ADAMTS12: variants seen among roughly 807,000 people sequenced by gnomAD.
ADAMTS12 encodes ADAM metallopeptidase with thrombospondin type 1 motif 12.
ADAMTS12 carries 118 observed loss-of-function variants against 167.8 expected under a neutral mutation model. That is an observed-to-expected ratio of 0.70 (90% CI 0.61 to 0.82). The LOEUF is 0.82. Ranked by LOEUF, ADAMTS12 falls within the 40% of genes least tolerant of loss-of-function variation. The pLI is 0.00. For synonymous variants in ADAMTS12, 704 were observed against 716.9 expected (o/e 0.98, Z 0.29); for missense variants, 1,916 against 1,998.8 (o/e 0.96, Z 0.79).
chr5:33,623,800 T>G (rs1408685651), intron 14 of ADAMTS12, among the ~76,000 whole-genome samples: 1 of 152,246 alleles, frequency 6.6e-6, no homozygotes, highest in Non-Finnish European at 1.5e-5. Context: ...TGCTGGCTTC[T>G]GTCCTCACTA....
At chr5:33,634,430 C>T (rs1216567374) in intron 12 of ADAMTS12, among the ~76,000 whole-genome samples, 1 of 152,004 alleles carries the variant, frequency 6.6e-6, no homozygotes, top group African/African-American at 2.4e-5. Context: ...TGGTGTGCAC[C>T]CCTGCCACTC....
Position 33,527,062 on chromosome 5 carries a change from T to C in ADAMTS12, c.*126A>G. Reference sequence around the variant, plus strand: ...CTAGAGGAACACAATGGATTTTGTTTCATCATGACCCAAAGCTGAATCTGA... The same window carrying C: ...CTAGAGGAACACAATGGATTTTGTTCCATCATGACCCAAAGCTGAATCTGA... On this transcript the variant is annotated 3_prime_UTR_variant, in exon 24 of 24. Coordinates refer to ENST00000504830, the MANE Select transcript of ADAMTS12 (RefSeq NM_030955.4). 7.8e-7 allele frequency: 1 copy of C among 1,285,784 alleles called. No individual in the cohort carries two copies. The highest frequency in any genetic ancestry group is 1.4e-5 in the South Asian group (1 of 69,434). 79.6% of individuals were successfully genotyped at this position (1,285,784 alleles called of 1,614,324 possible). A position where few individuals can be genotyped will look rare whatever the true frequency, so the allele number is the denominator to read the frequency against.
intron 2 of ADAMTS12, among the ~76,000 whole-genome samples, chr5:33,751,966 T>TG (rs2112391843): frequency 6.6e-6 from 1 of 152,340 alleles, no homozygotes; most frequent in African/African-American, 2.4e-5. Flanking sequence ...AACATTTACC[T>TG]GCATGGGGGT....
At chr5:33,561,817 C>T (rs773926010) in intron 19 of ADAMTS12, among the ~76,000 whole-genome samples, 2 of 152,088 alleles carry the variant, frequency 1.3e-5, no homozygotes. Context: ...GCATGATTGC[C>T]CAGGGGGCTG....
intron 1 of ADAMTS12, among the ~76,000 whole-genome samples, chr5:33,888,349 TG>T (rs1445930120): frequency 6.6e-6 from 1 of 152,202 alleles, no homozygotes; most frequent in African/African-American, 2.4e-5. Flanking sequence ...GTTGGAATGT[TG>T]TGAAGAACTG....
chr5:33,699,710 A>G (rs901052538), intron 3 of ADAMTS12, among the ~76,000 whole-genome samples: 1 of 152,194 alleles, frequency 6.6e-6, no homozygotes, highest in Admixed American at 6.5e-5. Flanking sequence ...AGTGAATTGT[A>G]TGCAAATTAT....
chr5:33,538,930 A>G lies in ADAMTS12; in HGVS notation c.4447-3938T>C, dbSNP rs1744545697. Among the ~76,000 whole-genome samples, 4 of 152,086 alleles carry G rather than the reference A, an allele frequency of 2.6e-5. 1 individual carries two copies. Among genetic ancestry groups the G allele is most frequent in the Non-Finnish European group, 5.9e-5 (4 of 68,006 alleles). ...ATCAGAATGATGGCAGAATCTGTCC[A>G]TGGGAGAATTTTCTTTATTTTCTTT... On this transcript the variant is annotated intron_variant, in intron 22 of 23. Transcript: ENST00000504830.
intron 13 of ADAMTS12, among the ~76,000 whole-genome samples, chr5:33,626,736 T>C (rs1276240989): frequency 1.3e-4 from 19 of 147,610 alleles, no homozygotes; most frequent in Admixed American, 6.1e-4. Context: ...TTGATGGTAA[T>C]GGTGGTGGTG....
At chr5:33,627,035 A>ATGG (rs1250592595) in intron 13 of ADAMTS12, among the ~76,000 whole-genome samples, 1 of 139,074 alleles carries the variant, frequency 7.2e-6, no homozygotes, top group Non-Finnish European at 1.5e-5. Context: ...TGATTTGATG[A>ATGG]TGGTGGTGGT....
intron 19 of ADAMTS12, among the ~76,000 whole-genome samples, chr5:33,562,280 C>T (rs1189851294): frequency 2.0e-5 from 3 of 152,166 alleles, no homozygotes; most frequent in East Asian, 3.8e-4. Context: ...AGAACTCAGT[C>T]GCCTTTGCCA....
chr5:33,622,203 C>T (rs1739368400), intron 14 of ADAMTS12, among the ~76,000 whole-genome samples: 10 of 152,080 alleles, frequency 6.6e-5, no homozygotes, highest in Admixed American at 6.6e-4. Context: ...GAGACCAGGG[C>T]AGAGGAAAGA....
At chr5:33,599,046 C>A (rs994648934) in intron 16 of ADAMTS12, among the ~76,000 whole-genome samples, 1 of 152,172 alleles carries the variant, frequency 6.6e-6, no homozygotes, top group African/African-American at 2.4e-5. Context: ...CTTGGATCAA[C>A]CGGCTTAGGT....
At chr5:33,871,648 C>G (rs961121843) in intron 2 of ADAMTS12, among the ~76,000 whole-genome samples, 1 of 151,738 alleles carries the variant, frequency 6.6e-6, no homozygotes, top group African/African-American at 2.4e-5. Context: ...GAGCAGAACT[C>G]AATGCAGTTA....
At chr5:33,567,538 TC>T (rs1323409808) in intron 19 of ADAMTS12, among the ~76,000 whole-genome samples, 2 of 152,130 alleles carry the variant, frequency 1.3e-5, no homozygotes, top group East Asian at 3.9e-4. Flanking sequence ...TCCCCAATGT[TC>T]CCTCCGCATC....
At chr5:33,709,578 C>A (rs1020333610) in intron 3 of ADAMTS12, among the ~76,000 whole-genome samples, 4 of 152,194 alleles carry the variant, frequency 2.6e-5, no homozygotes, top group African/African-American at 9.6e-5. Flanking sequence ...AACTGGAAGC[C>A]ATTATCCTCA....
intron 2 of ADAMTS12, among the ~76,000 whole-genome samples, chr5:33,811,241 CTT>C (rs1005517574): frequency 8.5e-5 from 13 of 152,270 alleles, no homozygotes; most frequent in Middle Eastern, 3.4e-3. Context: ...GCTTCCCAAA[CTT>C]TAAATTGCTT....
At chr5:33,560,379 C>G (rs531902155) in intron 20 of ADAMTS12, among the ~76,000 whole-genome samples, 4 of 152,252 alleles carry the variant, frequency 2.6e-5, no homozygotes, top group Admixed American at 6.5e-5. Flanking sequence ...CCTCAGGGAT[C>G]TAGAACTAGA....
At chr5:33,648,549 G>A (rs1041557226) in intron 9 of ADAMTS12, among the ~76,000 whole-genome samples, 7 of 152,198 alleles carry the variant, frequency 4.6e-5, no homozygotes, top group Non-Finnish European at 1.0e-4. Flanking sequence ...GTCTGCAGGT[G>A]TGAATCACTG....
intron 22 of ADAMTS12, among the ~76,000 whole-genome samples, chr5:33,536,590 A>G (rs1336656678): frequency 6.6e-6 from 1 of 152,086 alleles, no homozygotes; most frequent in Non-Finnish European, 1.5e-5. Flanking sequence ...GTTTCACTTA[A>G]TAATAGATCA....
Sources: gnomAD v4.1 joint callset for allele counts (sites outside exome capture counted in the v4.1 genomes callset) on GRCh38, gnomAD v4.1.1 for gene constraint, MANE v1.5 for transcripts, NCBI Gene and HGNC (gene_info 2026-07-23, HGNC 2026-07-21) for gene names.